Variants in ATRX observed in about 807,000 individuals in gnomAD.
ATRX encodes chromatin remodeler ATRX.
ATRX carries 12 observed loss-of-function variants against 172.6 expected under a neutral mutation model. That is an observed-to-expected ratio of 0.07 (90% CI 0.04 to 0.11). The LOEUF is 0.11. Among genes scored for constraint, ATRX ranks in the 10% least tolerant of loss-of-function variants. The pLI is 1.00. For synonymous variants in ATRX, 674 were observed against 594.7 expected, an observed-to-expected ratio of 1.13 and a Z score of -1.94; for missense variants, 1,368 against 1,767.4, an observed-to-expected ratio of 0.77 and a Z score of 4.05.
chrX:77,660,264 C>A (rs1557121857), intron 12 of ATRX, among the ~76,000 whole-genome samples: 1 of 111,869 alleles, frequency 8.9e-6, no homozygotes, highest in Admixed American at 9.5e-5. Flanking sequence ...AGCCATATTG[C>A]AAAGAAATTT....
chrX:77,568,187 A>C (rs1316285964), intron 28 of ATRX, among the ~76,000 whole-genome samples: 2 of 110,813 alleles, frequency 1.8e-5, no homozygotes, highest in African/African-American at 6.5e-5. Context: ...AAGAAAATCA[A>C]GGGAATAAAA....
At chrX:77,781,984 T>A (rs1557205817) in intron 1 of ATRX, among the ~76,000 whole-genome samples, 1 of 112,177 alleles carries the variant, frequency 8.9e-6, no homozygotes, top group Admixed American at 9.5e-5. Context: ...ACTACATTTA[T>A]CTTATCTCTA....
chrX:77,567,038 G>A (rs2147989871), intron 28 of ATRX, among the ~76,000 whole-genome samples: 1 of 111,250 alleles, frequency 9.0e-6, no homozygotes, highest in South Asian at 3.8e-4. Flanking sequence ...GACACCAGTA[G>A]ACTGTAATAA....
At chrX:77,728,696 G>C (rs932993499) in intron 1 of ATRX, among the ~76,000 whole-genome samples, 8 of 110,364 alleles carry the variant, frequency 7.2e-5, no homozygotes, top group African/African-American at 2.6e-4. Context: ...AAGAGACTTT[G>C]ATCTAGTAAT....
intron 28 of ATRX, among the ~76,000 whole-genome samples, chrX:77,569,114 A>AAAACAAAAAC (rs2065311649): frequency 9.0e-6 from 1 of 110,617 alleles, no homozygotes; most frequent in African/African-American, 3.3e-5. Context: ...ACCTTGTCTC[A>AAAACAAAAAC]AAACAAAAAC....
intron 1 of ATRX, among the ~76,000 whole-genome samples, chrX:77,738,773 G>C (rs1157039927): frequency 9.2e-6 from 1 of 109,048 alleles, no homozygotes; most frequent in African/African-American, 3.3e-5. Flanking sequence ...ATGTTGGCCT[G>C]GCTGGTCTCA....
chrX:77,598,244 T>C lies in ATRX; in HGVS notation c.5956+1167A>G, dbSNP rs34104539. Among the ~76,000 whole-genome samples the C allele has an allele frequency of 7.1e-3, 780 of 109,836 alleles. 9 individuals are homozygous for C. Among genetic ancestry groups the C allele is most frequent in the African/African-American group, 0.025 (751 of 30,262 alleles). Reference sequence around the variant, plus strand: ...GTAAGAGCTAAACACTGGGTACACATGGATATAAAGAGGAGAGCGACAGAC... The same window carrying C: ...GTAAGAGCTAAACACTGGGTACACACGGATATAAAGAGGAGAGCGACAGAC... On this transcript the variant is annotated intron_variant, in intron 25 of 34. Coordinates refer to ENST00000373344, the MANE Select transcript of ATRX (RefSeq NM_000489.6).
intron 22 of ATRX, among the ~76,000 whole-genome samples, chrX:77,609,277 C>T (rs1292360927): frequency 9.0e-6 from 1 of 111,460 alleles, no homozygotes; most frequent in Non-Finnish European, 1.9e-5. Context: ...AAGAGATTGG[C>T]ACTCCTATGT....
At chrX:77,543,064 C>G (rs782366179) in intron 30 of ATRX, among the ~76,000 whole-genome samples, 1 of 111,861 alleles carries the variant, frequency 8.9e-6, no homozygotes, top group East Asian at 2.8e-4. Context: ...ATCTACTCAT[C>G]TGACAAAGGG....
chrX:77,582,887 T>C (rs1415729113), intron 27 of ATRX, among the ~76,000 whole-genome samples: 5 of 111,630 alleles, frequency 4.5e-5, no homozygotes, highest in Admixed American at 3.8e-4. Context: ...CAGGACCCAA[T>C]AGCTTCACTG....
chrX:77,578,283 G>A (rs2065701377), intron 27 of ATRX, among the ~76,000 whole-genome samples: 1 of 111,944 alleles, frequency 8.9e-6, no homozygotes. Context: ...CTTGGAGCCA[G>A]TAAAATGGGG....
chrX:77,706,150 CTT>C (rs1228084514), intron 2 of ATRX, among the ~76,000 whole-genome samples: 1 of 98,454 alleles, frequency 1.0e-5, no homozygotes, highest in Non-Finnish European at 2.1e-5. Context: ...CTACGCCTGG[CTT>C]TTTTTTTTTT....
chrX:77,607,268 C>T (rs781825190), intron 22 of ATRX, among the ~76,000 whole-genome samples: 1 of 112,259 alleles, frequency 8.9e-6, no homozygotes, highest in Non-Finnish European at 1.9e-5. Context: ...AAAAACTATT[C>T]GAACTGATCA....
At chrX:77,702,492 G>T (rs1557154415) in intron 2 of ATRX, among the ~76,000 whole-genome samples, 1 of 111,003 alleles carries the variant, frequency 9.0e-6, no homozygotes, top group Non-Finnish European at 1.9e-5. Context: ...AATTAGTTCA[G>T]GAAGATTGAT....
chrX:77,652,037 G>A (rs2069270687), intron 15 of ATRX, 77 bp downstream of exon 15: 2 of 1,107,151 alleles, frequency 1.8e-6, no homozygotes, highest in Non-Finnish European at 2.5e-6. Context: ...TTGAGCCCAA[G>A]AGTTCGAGGC....
At chrX:77,671,913 A>G (rs1055815425) in intron 10 of ATRX, among the ~76,000 whole-genome samples, 14 of 110,992 alleles carry the variant, frequency 1.3e-4, no homozygotes, top group Non-Finnish European at 2.6e-4. Context: ...ACTACACATC[A>G]TATGTCTTTC....
intron 15 of ATRX, among the ~76,000 whole-genome samples, chrX:77,644,624 A>C (rs1389397944): frequency 2.7e-5 from 3 of 110,762 alleles, no homozygotes; most frequent in African/African-American, 9.9e-5. Context: ...AATATGGCCC[A>C]ATCAAAAGAG....
intron 30 of ATRX, among the ~76,000 whole-genome samples, chrX:77,535,419 C>T (rs1016117986): frequency 8.9e-6 from 1 of 111,926 alleles, no homozygotes; most frequent in Non-Finnish European, 1.9e-5. Context: ...ACTTAAAGAA[C>T]TAGATACTAT....
intron 2 of ATRX, among the ~76,000 whole-genome samples, chrX:77,707,515 C>A (rs1334994644): frequency 1.8e-5 from 2 of 111,719 alleles, no homozygotes; most frequent in African/African-American, 3.3e-5. Context: ...GAGGCCGAGG[C>A]GGGTGAATTG....
Sources: allele counts gnomAD v4.1 joint callset (sites outside exome capture counted in the v4.1 genomes callset), GRCh38; gene constraint gnomAD v4.1.1; transcripts MANE v1.5; gene names NCBI Gene and HGNC (gene_info 2026-07-23, HGNC 2026-07-21).